Variants in PLCH1 observed in about 807,000 individuals in gnomAD.
PLCH1 encodes 1-phosphatidylinositol 4,5-bisphosphate phosphodiesterase eta-1.
A neutral mutation model predicts 126.7 loss-of-function variants in PLCH1; 60 were observed. The observed-to-expected ratio is 0.47, with a 90% CI of 0.38 to 0.59. PLCH1 has a LOEUF of 0.59. Ranked by LOEUF, PLCH1 falls within the 20% of genes least tolerant of loss-of-function variation. PLCH1 has a pLI of 0.00. For synonymous variants in PLCH1, 719 were observed against 734.9 expected (o/e 0.98, Z 0.35); for missense variants, 1,723 against 2,040.0 (o/e 0.84, Z 2.99).
chr3:155,544,318 A>G lies in PLCH1; in HGVS notation c.1362+5469T>C, dbSNP rs934714576. 2.7e-3 allele frequency among the ~76,000 whole-genome samples: 412 copies of G among 152,354 alleles called. 1 individual carries two copies. Among genetic ancestry groups the G allele is most frequent in the Non-Finnish European group, 4.9e-3 (333 of 68,040 alleles). On this transcript the variant is annotated intron_variant, in intron 10 of 22. Coordinates refer to ENST00000460012, the MANE Select transcript of PLCH1 (RefSeq NM_014996.4). ...CCATTACATAATGGTAAAGGGACCA[A>G]TTCAACAAGAAGAGCTAACTATCCT...
chr3:155,456,436 T>C (rs1035662118), intron 21 of PLCH1, among the ~76,000 whole-genome samples: 18 of 152,118 alleles, frequency 1.2e-4, no homozygotes, highest in African/African-American at 4.1e-4. Flanking sequence ...CCACAGGCCA[T>C]GGGTTGGACA....
At chr3:155,572,338 C>CA (rs1436074579) in intron 6 of PLCH1, among the ~76,000 whole-genome samples, 1 of 152,218 alleles carries the variant, frequency 6.6e-6, no homozygotes, top group Non-Finnish European at 1.5e-5. Flanking sequence ...TCATTGCTCT[C>CA]ACGATTTTTG....
chr3:155,740,284 G>A (rs918875028), intron 1 of PLCH1, among the ~76,000 whole-genome samples: 2 of 151,832 alleles, frequency 1.3e-5, no homozygotes, highest in Admixed American at 6.6e-5. Context: ...GATGGCGGGC[G>A]CCTGTAATCC....
chr3:155,454,304 G>C (rs1712386053), intron 21 of PLCH1, among the ~76,000 whole-genome samples: 1 of 151,980 alleles, frequency 6.6e-6, no homozygotes, highest in African/African-American at 2.4e-5. Flanking sequence ...AAGTTTTTCA[G>C]CCTGAGCAAC....
chr3:155,543,140 A>G (rs1156643694), intron 10 of PLCH1, among the ~76,000 whole-genome samples: 1 of 152,226 alleles, frequency 6.6e-6, no homozygotes, highest in Non-Finnish European at 1.5e-5. Flanking sequence ...AAAACTTTGA[A>G]AAAAATTTAG....
At chr3:155,614,988 T>C (rs1051738921) in intron 2 of PLCH1, among the ~76,000 whole-genome samples, 9 of 150,958 alleles carry the variant, frequency 6.0e-5, no homozygotes, top group African/African-American at 2.2e-4. Context: ...ATCAGCAGAG[T>C]AAATGGAAAA....
intron 10 of PLCH1, among the ~76,000 whole-genome samples, chr3:155,541,838 A>AC (rs1724287725): frequency 1.3e-5 from 2 of 151,120 alleles, no homozygotes; most frequent in East Asian, 1.9e-4. Flanking sequence ...ACACTCACAC[A>AC]AAATGCAGTG....
intron 1 of PLCH1, among the ~76,000 whole-genome samples, chr3:155,704,864 T>C (rs6777741): frequency 0.25 from 38,388 of 152,084 alleles, 5,222 homozygotes; most frequent in East Asian, 0.47. Context: ...CTCAGCAAGG[T>C]AAACTAGCAG....
At chr3:155,514,389 A>T (rs1720021583) in intron 12 of PLCH1, among the ~76,000 whole-genome samples, 1 of 152,186 alleles carries the variant, frequency 6.6e-6, no homozygotes, top group African/African-American at 2.4e-5. Flanking sequence ...CAGGGAAGGC[A>T]GACATCTAAT....
At chr3:155,661,520 C>A (rs1742142920) in intron 2 of PLCH1, among the ~76,000 whole-genome samples, 1 of 152,140 alleles carries the variant, frequency 6.6e-6, no homozygotes, top group Admixed American at 6.5e-5. Context: ...CTTACCAAAT[C>A]CTTCAGTGCC....
intron 2 of PLCH1, among the ~76,000 whole-genome samples, chr3:155,626,012 T>C (rs891560694): frequency 1.3e-5 from 2 of 151,916 alleles, no homozygotes; most frequent in Non-Finnish European, 2.9e-5. Context: ...ATAAAGAAAA[T>C]GTGGCACATA....
chr3:155,683,649 C>A lies in PLCH1; in HGVS notation c.79+20497G>T, dbSNP rs1241427989. Among the ~76,000 whole-genome samples the A allele has an allele frequency of 1.4e-4, 22 of 152,160 alleles. 1 individual carries two copies. The highest frequency in any genetic ancestry group is 1.4e-3 in the Admixed American group (22 of 15,280). ...CAGCATCAGCTATTTGAGCAGCTAC[C>A]ATCAGTGCTGATCAGTGTTAATCAT... is the stretch of plus-strand genomic sequence containing the variant. On this transcript the variant is annotated intron_variant, in intron 2 of 22. Transcript: ENST00000460012.
intron 2 of PLCH1, among the ~76,000 whole-genome samples, chr3:155,631,142 A>G (rs1361476833): frequency 6.6e-6 from 1 of 152,196 alleles, no homozygotes; most frequent in Non-Finnish European, 1.5e-5. Flanking sequence ...AGCCACAGCA[A>G]TGCATTAAGG....
intron 2 of PLCH1, among the ~76,000 whole-genome samples, chr3:155,681,491 T>A (rs1338207617): frequency 6.6e-6 from 1 of 152,156 alleles, no homozygotes; most frequent in Admixed American, 6.5e-5. Flanking sequence ...GGGCTTTGAA[T>A]CTCCACAGAA....
intron 21 of PLCH1, among the ~76,000 whole-genome samples, chr3:155,455,404 T>C (rs2107967926): frequency 6.6e-6 from 1 of 152,348 alleles, no homozygotes; most frequent in South Asian, 2.1e-4. Context: ...TGAACTGGCA[T>C]TGGTCCTAAA....
intron 1 of PLCH1, among the ~76,000 whole-genome samples, chr3:155,711,909 T>C (rs1345095101): frequency 6.6e-6 from 1 of 152,156 alleles, no homozygotes; most frequent in African/African-American, 2.4e-5. Context: ...GTCAATATAG[T>C]GGAAAAATTT....
intron 4 of PLCH1, 128 bp from the exon 5 acceptor site, chr3:155,586,322 C>A: frequency 1.2e-6 from 1 of 824,252 alleles, no homozygotes; most frequent in East Asian, 2.6e-5. Flanking sequence ...GGAGCCCCTG[C>A]AATCCATAGG....
chr3:155,568,094 T>C (rs1177018913), intron 7 of PLCH1, 137 bp downstream of exon 7: 1 of 561,866 alleles, frequency 1.8e-6, no homozygotes, highest in Non-Finnish European at 3.2e-6. Context: ...TATATGTGTG[T>C]TGTAGATTTT....
Position 155,554,060 on chromosome 3 carries a change from G to A in PLCH1, c.1190+16C>T, listed in dbSNP as rs367763461. ...CGGGAGGCTACCGCTTAGCTCACAG[G>A]TGCTGCTTTACTTACTCATTCTTCA... is the stretch of plus-strand genomic sequence containing the variant. On this transcript the variant is annotated intron_variant, in intron 9 of 22. Coordinates refer to ENST00000460012, the MANE Select transcript of PLCH1 (RefSeq NM_014996.4). 26 of 1,612,540 alleles carry A rather than the reference G, an allele frequency of 1.6e-5. No homozygotes were observed. The highest frequency in any genetic ancestry group is 2.1e-5 in the Non-Finnish European group (25 of 1,179,144).
Sources: gnomAD v4.1 joint callset for allele counts (sites outside exome capture counted in the v4.1 genomes callset) on GRCh38, gnomAD v4.1.1 for gene constraint, MANE v1.5 for transcripts, NCBI Gene and HGNC (gene_info 2026-07-23, HGNC 2026-07-21) for gene names.